CACNA1D: variants seen among roughly 807,000 people sequenced by gnomAD.
The protein encoded by CACNA1D is voltage-dependent L-type calcium channel subunit alpha-1D.
Under a neutral mutation model 257.1 loss-of-function variants are expected in CACNA1D, and 55 were observed. That is an observed-to-expected ratio of 0.21 (90% CI 0.17 to 0.27). The LOEUF is 0.27. Among genes scored for constraint, CACNA1D ranks in the 10% least tolerant of loss-of-function variants. CACNA1D has a pLI of 1.00. For missense variants in CACNA1D, 1,876 were observed against 2,784.0 expected (o/e 0.67, Z 7.34); for synonymous variants, 980 against 1,014.9 (o/e 0.97, Z 0.65).
chr3:53,520,590 AC>A (rs2091515260), intron 3 of CACNA1D, among the ~76,000 whole-genome samples: 1 of 152,166 alleles, frequency 6.6e-6, no homozygotes, highest in Non-Finnish European at 1.5e-5. Context: ...GCATGGTGAA[AC>A]CCTGTCTCTA....
chr3:53,732,160 G>A (rs1434338417), intron 18 of CACNA1D, 78 bp downstream of exon 18: 18 of 1,143,282 alleles, frequency 1.6e-5, no homozygotes, highest in Middle Eastern at 5.0e-4. Context: ...CCGAGTCTGC[G>A]GCCAGCCAGC....
At chr3:53,511,386 T>A (rs1405450666) in intron 3 of CACNA1D, among the ~76,000 whole-genome samples, 1 of 151,928 alleles carries the variant, frequency 6.6e-6, no homozygotes, top group African/African-American at 2.4e-5. Flanking sequence ...ACACACAGGG[T>A]TTTTATCCTT....
intron 3 of CACNA1D, among the ~76,000 whole-genome samples, chr3:53,540,357 CTCA>C (rs2092265262): frequency 6.6e-6 from 1 of 151,808 alleles, no homozygotes; most frequent in East Asian, 1.9e-4. Flanking sequence ...AACTCCTGAC[CTCA>C]AGCAATCTGC....
At chr3:53,742,557 T>C (rs1221747061) in intron 21 of CACNA1D, among the ~76,000 whole-genome samples, 1 of 152,190 alleles carries the variant, frequency 6.6e-6, no homozygotes, top group African/African-American at 2.4e-5. Context: ...TGTAGGTCCA[T>C]AGAGCCTGGG....
intron 42 of CACNA1D, among the ~76,000 whole-genome samples, 172 bp downstream of exon 42, chr3:53,801,597 C>T (rs748437168): frequency 6.6e-6 from 1 of 152,168 alleles, no homozygotes; most frequent in African/African-American, 2.4e-5. Context: ...GCCTCTGACA[C>T]TCTCCACGTG....
In CACNA1D at chr3:53,640,136, A is replaced by G. The variant is rs538389100; in HGVS notation, c.484-10643A>G. On this transcript the variant is annotated intron_variant, in intron 3 of 47. Transcript: ENST00000350061. ...TTCGGCCTCCCAAAGTGCTGGGTTT[A>G]CAGCCGTGAGCCACTGTGCCCAGCC... Among the ~76,000 whole-genome samples, 3 of 152,244 alleles carry G rather than the reference A, an allele frequency of 2.0e-5. No homozygotes were observed. The South Asian group carries it at 6.2e-4, about 32-fold the overall frequency.
intron 3 of CACNA1D, among the ~76,000 whole-genome samples, chr3:53,592,855 T>C (rs1163776562): frequency 6.6e-6 from 1 of 152,016 alleles, no homozygotes; most frequent in Non-Finnish European, 1.5e-5. Context: ...GCCCAGCTAA[T>C]TTTTTGTATT....
intron 3 of CACNA1D, among the ~76,000 whole-genome samples, chr3:53,512,119 A>G (rs972420904): frequency 2.6e-5 from 4 of 152,186 alleles, no homozygotes; most frequent in Admixed American, 1.3e-4. Flanking sequence ...TTTCACGATA[A>G]TGCAAAATTG....
At chr3:53,515,354 G>A (rs888958133) in intron 3 of CACNA1D, among the ~76,000 whole-genome samples, 4 of 152,156 alleles carry the variant, frequency 2.6e-5, no homozygotes, top group African/African-American at 9.7e-5. Context: ...GGGGGATTCT[G>A]GCCCGATGGT....
At chr3:53,525,685 G>C (rs1352417270) in intron 3 of CACNA1D, among the ~76,000 whole-genome samples, 1 of 152,088 alleles carries the variant, frequency 6.6e-6, no homozygotes, top group African/African-American at 2.4e-5. Context: ...ATGTGCCAAG[G>C]ATCAGCCCAA....
At chr3:53,696,622 G>A (rs2094575684) in intron 8 of CACNA1D, among the ~76,000 whole-genome samples, 1 of 152,194 alleles carries the variant, frequency 6.6e-6, no homozygotes, top group Admixed American at 6.5e-5. Flanking sequence ...GATGGGGTAA[G>A]CCAGAGAATG....
chr3:53,567,310 C>T (rs2092862300), intron 3 of CACNA1D, among the ~76,000 whole-genome samples: 1 of 152,232 alleles, frequency 6.6e-6, no homozygotes, highest in Admixed American at 6.5e-5. Context: ...AATCTCTGTA[C>T]AGGATCTGTA....
chr3:53,677,216 G>T (rs946883726), intron 8 of CACNA1D, among the ~76,000 whole-genome samples: 3 of 152,202 alleles, frequency 2.0e-5, no homozygotes, highest in Non-Finnish European at 2.9e-5. Context: ...CCCTATGGTG[G>T]CAGTGTCTGA....
At position 53,749,274 on chromosome 3, in the gene CACNA1D, G is replaced by A. The variant is rs547962585; in HGVS notation, c.3321G>A (p.Leu1107=). Residue 1107 remains leucine (L), a synonymous_variant, in exon 27 of 48, where the codon CTG becomes CTA. Transcript: ENST00000350061. ...VSTFEGWPAL[L]YKAIDSNGEN... Reference sequence around the variant, plus strand: ...TTGGTTTTTCTCTCTCTAGGTTGCTGTATAAAGCCATCGACTCGAATGGAG... The same window carrying A: ...TTGGTTTTTCTCTCTCTAGGTTGCTATATAAAGCCATCGACTCGAATGGAG... The A allele has an allele frequency of 1.9e-6, 3 of 1,613,152 alleles. No individual in the cohort carries two copies. Among genetic ancestry groups the A allele is most frequent in the Non-Finnish European group, 2.5e-6 (3 of 1,179,090 alleles).
intron 8 of CACNA1D, among the ~76,000 whole-genome samples, chr3:53,675,010 C>G (rs1159143840): frequency 6.6e-6 from 1 of 152,236 alleles, no homozygotes; most frequent in Non-Finnish European, 1.5e-5. Context: ...CTGCCTTTTC[C>G]AGAGCAGAAA....
intron 9 of CACNA1D, among the ~76,000 whole-genome samples, chr3:53,703,510 C>T (rs1449285144): frequency 7.2e-5 from 11 of 152,262 alleles, no homozygotes; most frequent in Non-Finnish European, 1.6e-4. Context: ...ACTTTTCCCA[C>T]AGATGCGCTC....
intron 40 of CACNA1D, among the ~76,000 whole-genome samples, chr3:53,787,449 GTGTGTATGTA>G (rs1333539417): frequency 1.2e-4 from 18 of 151,286 alleles, no homozygotes; most frequent in South Asian, 1.0e-3. Context: ...GTGTGTGTGT[GTGTGTATGTA>G]TGTATGTGTG....
At chr3:53,541,588 A>G (rs913684461) in intron 3 of CACNA1D, among the ~76,000 whole-genome samples, 4 of 152,092 alleles carry the variant, frequency 2.6e-5, no homozygotes, top group African/African-American at 9.7e-5. Flanking sequence ...CTCCTCCCCA[A>G]ATGGGGGACT....
At chr3:53,767,675 G>A (rs1435802239) in intron 30 of CACNA1D, among the ~76,000 whole-genome samples, 1 of 152,024 alleles carries the variant, frequency 6.6e-6, no homozygotes, top group African/African-American at 2.4e-5. Flanking sequence ...TTTTGTTAAA[G>A]ATCCCCAGGT....
Sources: gnomAD v4.1 joint callset for allele counts (sites outside exome capture counted in the v4.1 genomes callset) on GRCh38, gnomAD v4.1.1 for gene constraint, MANE v1.5 for transcripts, NCBI Gene and HGNC (gene_info 2026-07-23, HGNC 2026-07-21) for gene names.